The following ABCB10 variants were observed in gnomAD, a reference collection of about 807,000 sequenced individuals.
ABCB10 encodes the protein ATP-binding cassette sub-family B member 10, mitochondrial.
Under a neutral mutation model 65.4 loss-of-function variants are expected in ABCB10, and 54 were observed. That is an observed-to-expected ratio of 0.83 (90% confidence interval 0.66 to 1.04). The LOEUF is 1.04. Among genes scored for constraint, ABCB10 ranks in the 50% least tolerant of loss-of-function variants. The pLI is 0.00. For synonymous variants in ABCB10, 418 were observed against 406.5 expected, an observed-to-expected ratio of 1.03 and a Z score of -0.34; for missense variants, 846 against 976.6, an observed-to-expected ratio of 0.87 and a Z score of 1.78.
At chr1:229,521,679 T>C in intron 10 of ABCB10, 44 bp from the exon 11 acceptor site, 1 of 1,604,862 alleles carries the variant, frequency 6.2e-7, no homozygotes, top group African/African-American at 1.3e-5. Flanking sequence ...CAACAAAAAA[T>C]CTTAGTAATA....
At chr1:229,526,186 T>A in intron 9 of ABCB10, 70 bp from the exon 10 acceptor site, 4 of 1,434,746 alleles carry the variant, frequency 2.8e-6, no homozygotes, top group Non-Finnish European at 3.8e-6. Flanking sequence ...AATTTAGACC[T>A]AGCAGTCTTT....
intron 3 of ABCB10, among the ~76,000 whole-genome samples, chr1:229,544,080 G>C (rs1195656145): frequency 1.3e-5 from 2 of 152,192 alleles, no homozygotes; most frequent in South Asian, 2.1e-4. Flanking sequence ...ACCTTCTGAT[G>C]ACTAATACAG....
chr1:229,553,151 CTT>C (rs1663159254), intron 1 of ABCB10, among the ~76,000 whole-genome samples: 2 of 151,834 alleles, frequency 1.3e-5, no homozygotes, highest in South Asian at 4.1e-4. Flanking sequence ...GAGTTTCCCT[CTT>C]GTTGCCCAGT....
At position 229,525,948 on chromosome 1, in the gene ABCB10, C is replaced by T. The variant is rs752004959; in HGVS notation, c.1894G>A (p.Val632Ile). The change falls in exon 10 of 13, where the codon GTT becomes ATT. Residue 632 changes from valine to isoleucine, a missense_variant. Transcript: ENST00000344517. ...TAAAGAAATGCACCTGAGAGGAGAA[C>T]ACCCTTTTCTCCAACCACAGTGTTG... ...GFNTVVGEKG[V>I]LLSGGQKQRI... 13 of 1,612,870 alleles carry T rather than the reference C, an allele frequency of 8.1e-6. No individual in the cohort carries two copies. Among genetic ancestry groups the T allele is most frequent in the African/African-American group, 2.7e-5 (2 of 74,884 alleles).
chr1:229,552,830 G>A (rs1487005728), intron 1 of ABCB10, among the ~76,000 whole-genome samples: 6 of 152,130 alleles, frequency 3.9e-5, no homozygotes, highest in Non-Finnish European at 8.8e-5. Context: ...CAGAGAGAGG[G>A]AGCCTACGCA....
At chr1:229,531,922 T>C (rs993444553) in intron 6 of ABCB10, 191 bp from the exon 7 acceptor site, 26 of 405,054 alleles carry the variant, frequency 6.4e-5, no homozygotes, top group African/African-American at 5.3e-4. Flanking sequence ...AGTTTTCCTT[T>C]GGCTTCTCCT....
chr1:229,547,757 T>C lies in ABCB10; in HGVS notation c.719-56A>G, dbSNP rs1035986794. 6 of 1,564,250 alleles carry C rather than the reference T, an allele frequency of 3.8e-6. No homozygotes were observed. The African/African-American group carries it at 6.8e-5, about 18-fold the overall frequency. On this transcript the variant is annotated intron_variant, in intron 2 of 12. Coordinates refer to ENST00000344517, the MANE Select transcript of ABCB10 (RefSeq NM_012089.3). ...AGGGTAAAGACATCCATTACCATTA[T>C]GGGGCAGCCACTTACTGTGCAGCAG... is the stretch of plus-strand genomic sequence containing the variant.
chr1:229,539,230 G>C (rs1292370555), intron 6 of ABCB10, among the ~76,000 whole-genome samples: 1 of 152,166 alleles, frequency 6.6e-6, no homozygotes, highest in African/African-American at 2.4e-5. Flanking sequence ...AGCTATAAGA[G>C]GCCTGCAAAG....
At chr1:229,520,116 C>A (rs1662268689) in intron 11 of ABCB10, among the ~76,000 whole-genome samples, 1 of 148,050 alleles carries the variant, frequency 6.8e-6, no homozygotes, top group Non-Finnish European at 1.5e-5. Flanking sequence ...GCCTGGGTGA[C>A]AGAATGAGAC....
In ABCB10 at chr1:229,547,548, G is replaced by C; in HGVS notation, c.872C>G (p.Ser291Ter). ...CTGGGCCCCGGCCCTGAGCCCATCT[G>C]AGAGGTTTTCAGTCACTGAGCGCCC... ...LLGRSVTENL[S>*]DGLRAGAQAS... Residue 291 changes from serine to a stop codon, truncating the protein, a stop_gained, in exon 3 of 13, where the codon TCA (serine) becomes TGA (stop). Transcript: ENST00000344517. LOFTEE classifies it high-confidence loss of function. 2 of 1,613,920 alleles carry C rather than the reference G, an allele frequency of 1.2e-6. No individual in the cohort carries two copies. Among genetic ancestry groups the C allele is most frequent in the Non-Finnish European group, 1.7e-6 (2 of 1,179,892 alleles).
At chr1:229,553,316 G>T (rs1376822341) in intron 1 of ABCB10, among the ~76,000 whole-genome samples, 1 of 151,928 alleles carries the variant, frequency 6.6e-6, no homozygotes, top group African/African-American at 2.4e-5. Context: ...CTCCATGTTG[G>T]TCAGGCTGGT....
chr1:229,524,318 C>T (rs775307887), intron 10 of ABCB10, among the ~76,000 whole-genome samples: 2 of 152,052 alleles, frequency 1.3e-5, no homozygotes, highest in Non-Finnish European at 2.9e-5. Flanking sequence ...CTCACCACCA[C>T]ACCTGGCTAT....
Position 229,547,691 on chromosome 1 carries a change from A to T in ABCB10, c.729T>A (p.Ile243=). 1 of 1,614,206 alleles carries T rather than the reference A, an allele frequency of 6.2e-7. No homozygotes were observed. The highest frequency in any genetic ancestry group is 8.5e-7 in the Non-Finnish European group (1 of 1,180,030). ...ATAATGAAGTTCTCAGCCTATTCAC[A>T]ATGCGCTGACCTGCAAAAGCAAACA... The part of the protein sequence containing the change: ...VYLMQTSGQR[I]VNRLRTSLFS... Residue 243 remains isoleucine (I), a synonymous_variant, in exon 3 of 13, where the codon ATT becomes ATA. Transcript: ENST00000344517.
chr1:229,522,348 AGGCCCATACCACC>A (rs896895240), intron 10 of ABCB10, among the ~76,000 whole-genome samples: 1 of 152,146 alleles, frequency 6.6e-6, no homozygotes, highest in African/African-American at 2.4e-5. Context: ...CTGGGACCAC[AGGCCCATACCACC>A]AAACCTGGCT....
intron 2 of ABCB10, 82 bp downstream of exon 2, chr1:229,549,152 A>G: frequency 1.6e-5 from 23 of 1,455,646 alleles, no homozygotes; most frequent in Non-Finnish European, 2.2e-5. Context: ...CCTGGAGCAC[A>G]TGAGATTTGA....
intron 6 of ABCB10, among the ~76,000 whole-genome samples, chr1:229,533,052 C>T (rs943242796): frequency 2.0e-5 from 3 of 152,176 alleles, no homozygotes; most frequent in Non-Finnish European, 4.4e-5. Flanking sequence ...AGCAATCCTC[C>T]TGCCTTGGCC....
intron 8 of ABCB10, among the ~76,000 whole-genome samples, chr1:229,527,513 C>T (rs1253618377): frequency 6.6e-6 from 1 of 152,158 alleles, no homozygotes; most frequent in Non-Finnish European, 1.5e-5. Context: ...TTATTGTCTC[C>T]CGATAGTAGC....
chr1:229,557,899 G>A (rs568575207), intron 1 of ABCB10, among the ~76,000 whole-genome samples: 2 of 152,168 alleles, frequency 1.3e-5, no homozygotes, highest in East Asian at 1.9e-4. Flanking sequence ...CATATATAAC[G>A]TGTGTCAACA....
intron 6 of ABCB10, among the ~76,000 whole-genome samples, chr1:229,538,164 T>C (rs1190817963): frequency 6.6e-6 from 1 of 152,204 alleles, no homozygotes; most frequent in Non-Finnish European, 1.5e-5. Flanking sequence ...GGATTAGAAC[T>C]GTGTTTTCCA....
Sources: allele counts gnomAD v4.1 joint callset (sites outside exome capture counted in the v4.1 genomes callset), GRCh38; gene constraint gnomAD v4.1.1; transcripts MANE v1.5; gene names NCBI Gene and HGNC (gene_info 2026-07-23, HGNC 2026-07-21).